USH2A: variants seen among roughly 807,000 people sequenced by gnomAD.
The protein encoded by USH2A is Usher syndrome 2A (autosomal recessive, mild).
USH2A carries 443 observed loss-of-function variants against 538.9 expected under a neutral mutation model. The observed-to-expected ratio is 0.82, with a 90% confidence interval of 0.76 to 0.89. USH2A has a LOEUF of 0.89. USH2A is among the 40% of genes least tolerant of loss of function. The pLI is 0.00. For synonymous variants in USH2A, 2,413 were observed against 2,273.5 expected, an observed-to-expected ratio of 1.06 and a Z score of -1.75; for missense variants, 6,633 against 6,324.8, an observed-to-expected ratio of 1.05 and a Z score of -1.65.
At chr1:215,791,664 T>C (rs1157652387) in intron 50 of USH2A, among the ~76,000 whole-genome samples, 1 of 152,222 alleles carries the variant, frequency 6.6e-6, no homozygotes, top group African/African-American at 2.4e-5. Context: ...AATTAACTGC[T>C]ATATTTATAA....
Position 216,410,148 on chromosome 1 carries a change from G to GTCA in USH2A, c.651+8365_651+8366insTGA, listed in dbSNP as rs1466127695. Among the ~76,000 whole-genome samples, 308 of 132,002 alleles carry GTCA rather than the reference G, an allele frequency of 2.3e-3. 2 individuals carry two copies. In the East Asian group the frequency reaches 0.034, roughly 15 times the overall value. The allele number at this position is 132,002 out of a possible 152,430, so 86.6% of individuals were successfully genotyped here. ...AATGTCAATCAAAACCACAATGAAA[G>GTCA]ATACCATCTCACATCAGTCAGAATG... On this transcript the variant is annotated intron_variant, in intron 3 of 71. Coordinates refer to ENST00000307340, the MANE Select transcript of USH2A (RefSeq NM_206933.4).
At chr1:215,910,245 T>C (rs1558156637) in intron 38 of USH2A, among the ~76,000 whole-genome samples, 1 of 152,048 alleles carries the variant, frequency 6.6e-6, no homozygotes, top group Non-Finnish European at 1.5e-5. Context: ...ATTAGCACTT[T>C]TTACATTTTT....
intron 56 of USH2A, among the ~76,000 whole-genome samples, chr1:215,760,239 T>C (rs907147671): frequency 6.6e-6 from 1 of 152,202 alleles, no homozygotes; most frequent in Non-Finnish European, 1.5e-5. Flanking sequence ...CTTTCCCTTC[T>C]TCTTGCACAT....
At chr1:216,006,316 TG>T (rs571425471) in intron 32 of USH2A, among the ~76,000 whole-genome samples, 139 of 152,312 alleles carry the variant, frequency 9.1e-4, no homozygotes, top group African/African-American at 3.3e-3. Context: ...ATCACTCCTA[TG>T]CCGCTACACA....
intron 21 of USH2A, among the ~76,000 whole-genome samples, chr1:216,145,926 G>T (rs2033690772): frequency 6.6e-6 from 1 of 151,430 alleles, no homozygotes; most frequent in African/African-American, 2.4e-5. Context: ...CTATAAAACG[G>T]CCCCACCCTT....
chr1:216,422,811 T>TG (rs2039702277), intron 1 of USH2A, among the ~76,000 whole-genome samples: 1 of 151,016 alleles, frequency 6.6e-6, no homozygotes, highest in African/African-American at 2.4e-5. Flanking sequence ...TATGTGTGTG[T>TG]TTTATATATA....
intron 61 of USH2A, among the ~76,000 whole-genome samples, chr1:215,691,700 A>G (rs1045197654): frequency 1.3e-5 from 2 of 152,298 alleles, no homozygotes; most frequent in African/African-American, 4.8e-5. Flanking sequence ...TAAACTCCAC[A>G]GAGTCAAAGG....
rs746546620 is a variant in USH2A, at chr1:215,674,991, T to C, written c.12920A>G (p.Tyr4307Cys). The C allele has an allele frequency of 4.3e-6, 7 of 1,614,186 alleles. No homozygotes were observed. In the South Asian group the frequency reaches 6.6e-5, roughly 15 times the overall value. The change falls in exon 63 of 72, where the codon TAT (tyrosine) becomes TGT (cysteine). Residue 4307 changes from tyrosine to cysteine, a missense_variant. Physicochemically the swap from Tyr to Cys is radical, Grantham distance 194. Coordinates refer to ENST00000307340, the MANE Select transcript of USH2A (RefSeq NM_206933.4). ...SYRLQRNEMLYPFSFDPVTFN... is the reference protein window; with the variant it reads ...SYRLQRNEMLCPFSFDPVTFN... Reference sequence around the variant, plus strand: ...AGTCACAGGATCAAAGCTAAAAGGATAGAGCATTTCATTCCTTTGAAGCCT... The same window carrying C: ...AGTCACAGGATCAAAGCTAAAAGGACAGAGCATTTCATTCCTTTGAAGCCT...
At chr1:216,007,286 A>G (rs186934816) in intron 32 of USH2A, among the ~76,000 whole-genome samples, 1 of 152,294 alleles carries the variant, frequency 6.6e-6, no homozygotes, top group Non-Finnish European at 1.5e-5. Context: ...TTAAATTATA[A>G]AATCAGAATT....
chr1:215,914,954 A>G (rs1369229106), intron 38 of USH2A, among the ~76,000 whole-genome samples: 1 of 152,194 alleles, frequency 6.6e-6, no homozygotes, highest in African/African-American at 2.4e-5. Flanking sequence ...CCCTTGAACA[A>G]TGCTAACATC....
chr1:215,980,669 T>G (rs1036570370), intron 35 of USH2A, among the ~76,000 whole-genome samples: 14 of 152,120 alleles, frequency 9.2e-5, no homozygotes, highest in Admixed American at 6.6e-4. Context: ...ACAACATAAT[T>G]AAGTTTCTCA....
At chr1:215,902,773 G>T (rs971582704) in intron 38 of USH2A, among the ~76,000 whole-genome samples, 1 of 152,100 alleles carries the variant, frequency 6.6e-6, no homozygotes, top group African/African-American at 2.4e-5. Flanking sequence ...GAGTAATCCA[G>T]CCAGAGATAG....
At chr1:215,708,463 C>T (rs1425474896) in intron 61 of USH2A, among the ~76,000 whole-genome samples, 1 of 152,108 alleles carries the variant, frequency 6.6e-6, no homozygotes, top group African/African-American at 2.4e-5. Context: ...TATTTGTTTG[C>T]TTTTAGTGCA....
At chr1:216,346,375 G>A (rs2102685155) in intron 4 of USH2A, among the ~76,000 whole-genome samples, 1 of 152,152 alleles carries the variant, frequency 6.6e-6, no homozygotes, top group Non-Finnish European at 1.5e-5. Context: ...AATTGGAAAT[G>A]GATAGATCCC....
chr1:216,102,987 C>G (rs2102578280), intron 21 of USH2A, among the ~76,000 whole-genome samples: 1 of 152,248 alleles, frequency 6.6e-6, no homozygotes, highest in East Asian at 1.9e-4. Context: ...CTCAACTGTA[C>G]AAACAACAGA....
chr1:215,978,126 T>C (rs1667665708), intron 35 of USH2A, among the ~76,000 whole-genome samples: 1 of 152,112 alleles, frequency 6.6e-6, no homozygotes, highest in South Asian at 2.1e-4. Context: ...GAGCCTTTCT[T>C]AAAAAAGAAA....
chr1:216,013,481 T>G (rs1047426659), intron 32 of USH2A, among the ~76,000 whole-genome samples: 6 of 152,044 alleles, frequency 3.9e-5, no homozygotes, highest in African/African-American at 1.4e-4. Context: ...GAGCCCAAGC[T>G]AAGCCATCAT....
chr1:215,847,692 T>C (rs1456225052), intron 44 of USH2A, among the ~76,000 whole-genome samples: 1 of 151,424 alleles, frequency 6.6e-6, no homozygotes, highest in Non-Finnish European at 1.5e-5. Context: ...AGTCCAAGGA[T>C]TGGGAGGAAA....
intron 35 of USH2A, among the ~76,000 whole-genome samples, chr1:215,992,428 C>T (rs1332616843): frequency 6.6e-6 from 1 of 152,132 alleles, no homozygotes; most frequent in East Asian, 1.9e-4. Flanking sequence ...GCTTAATTCA[C>T]TAAACTGTAC....
Sources: allele counts gnomAD v4.1 joint callset (sites outside exome capture counted in the v4.1 genomes callset), GRCh38; gene constraint gnomAD v4.1.1; transcripts MANE v1.5; gene names NCBI Gene and HGNC (gene_info 2026-07-23, HGNC 2026-07-21).